The following B3GALT5 variants were observed in gnomAD, a reference collection of about 807,000 sequenced individuals.
B3GALT5 encodes beta-1,3-galactosyltransferase 5.
For missense variants in B3GALT5, 328 were observed against 396.6 expected (o/e 0.83, Z 1.47); for synonymous variants, 156 against 158.6 (o/e 0.98, Z 0.12).
chr21:39,639,404 C>CCTTCTT (rs2079266131), intron 1 of B3GALT5, among the ~76,000 whole-genome samples: 2 of 67,910 alleles, frequency 2.9e-5, no homozygotes, highest in Admixed American at 1.8e-4. Context: ...CTTTCTTTTT[C>CCTTCTT]TTTCTTTCTT....
intron 3 of B3GALT5, 30 bp downstream of exon 3, chr21:39,659,942 C>T (rs1371963656): frequency 3.1e-6 from 3 of 981,030 alleles, no homozygotes; most frequent in East Asian, 1.1e-4. Flanking sequence ...AATGTTATAA[C>T]GTTACCATGG....
chr21:39,640,855 T>G (rs1490802421), intron 1 of B3GALT5, among the ~76,000 whole-genome samples: 5 of 152,176 alleles, frequency 3.3e-5, no homozygotes, highest in Non-Finnish European at 7.4e-5. Context: ...TCCTCCTGCC[T>G]CAGCCCCCTG....
rs766324264 is a variant in B3GALT5, at chr21:39,671,185, C to G, written c.*9693C>G. The G allele has an allele frequency of 6.6e-6, 1 of 152,220 alleles. No homozygotes were observed. The highest frequency in any genetic ancestry group is 1.5e-5 in the Non-Finnish European group (1 of 68,042). 9.4% of individuals were successfully genotyped at this position (152,220 alleles called of 1,614,324 possible). On this transcript the variant is annotated 3_prime_UTR_variant, in exon 4 of 4. Transcript: ENST00000684187. ...CCCAGTCACCTCTTAAAAGGTCCCA[C>G]CTCTCAACGCTGTTGCACTGGGGAT...
chr21:39,638,841 C>T (rs753334162), intron 1 of B3GALT5, among the ~76,000 whole-genome samples: 1 of 152,148 alleles, frequency 6.6e-6, no homozygotes, highest in Non-Finnish European at 1.5e-5. Flanking sequence ...GAGTCACTCC[C>T]CCATCACACG....
At chr21:39,622,075 T>C (rs2079137001) in intron 1 of B3GALT5, among the ~76,000 whole-genome samples, 1 of 152,118 alleles carries the variant, frequency 6.6e-6, no homozygotes, top group Admixed American at 6.5e-5. Context: ...TTTTGATATG[T>C]TGGTCTTTCA....
chr21:39,657,944 A>G (rs1184187181), intron 2 of B3GALT5: 5 of 1,225,668 alleles, frequency 4.1e-6, no homozygotes, highest in East Asian at 6.3e-5. Context: ...TGTCCCAGGT[A>G]AGGCAGAGCT....
At chr21:39,623,862 G>GTATA (rs2079150357) in intron 1 of B3GALT5, among the ~76,000 whole-genome samples, 1 of 152,170 alleles carries the variant, frequency 6.6e-6, no homozygotes, top group African/African-American at 2.4e-5. Flanking sequence ...CAGCTGATAT[G>GTATA]TCTTCACATA....
chr21:39,638,382 G>A (rs992645381), intron 1 of B3GALT5, among the ~76,000 whole-genome samples: 6 of 152,180 alleles, frequency 3.9e-5, no homozygotes, highest in Non-Finnish European at 7.3e-5. Flanking sequence ...GACAGGCACT[G>A]ACAGGCACCA....
rs762994044 is a variant in B3GALT5, at chr21:39,639,347, T to TTTCTTTTTTTCCTTCCTTCCTTCCTTCC, written c.-391-7042_-391-7041insTTTTTTTCCTTCCTTCCTTCCTTCCTTC. ...CTTTCTTTCTTTCTTTCTTTCTTTCTTTCCTTCCTTCCTTCCTTCCTTCCT... is the reference window on the plus strand; with the variant it reads ...CTTTCTTTCTTTCTTTCTTTCTTTCTTTCTTTTTTTCCTTCCTTCCTTCCTTCCTTCCTTCCTTCCTTCCTTCCTTCCT... On this transcript the variant is annotated intron_variant, in intron 1 of 3. Transcript: ENST00000684187. Among the ~76,000 whole-genome samples, 15 of 66,782 alleles carry TTTCTTTTTTTCCTTCCTTCCTTCCTTCC rather than the reference T, an allele frequency of 2.2e-4. 1 individual carries two copies. Among genetic ancestry groups the TTTCTTTTTTTCCTTCCTTCCTTCCTTCC allele is most frequent in the South Asian group, 5.5e-4 (1 of 1,824 alleles). 43.8% of individuals were successfully genotyped at this position (66,782 alleles called of 152,430 possible).
intron 1 of B3GALT5, among the ~76,000 whole-genome samples, chr21:39,645,329 C>T (rs1048884459): frequency 2.0e-5 from 3 of 152,210 alleles, no homozygotes; most frequent in Non-Finnish European, 2.9e-5. Context: ...ATCTGACCCT[C>T]AGGTCTCGCC....
rs1257786444 is a variant in B3GALT5, at chr21:39,643,428, AAAAAAG to A, written c.-391-2953_-391-2948del. ...GCGAGACTCTAGCTCAAAAAAAAAA[AAAAAAG>A]AAAAAGAAAAGCAAAGCCTGTGTGA... On this transcript the variant is annotated intron_variant, in intron 1 of 3. Coordinates refer to ENST00000684187, the MANE Select transcript of B3GALT5 (RefSeq NM_001356336.2). Among the ~76,000 whole-genome samples the A allele has an allele frequency of 3.7e-3, 566 of 152,026 alleles. 3 individuals are homozygous for A. Among genetic ancestry groups the A allele is most frequent in the East Asian group, 0.023 (121 of 5,156 alleles).
intron 2 of B3GALT5, chr21:39,657,712 CCTAT>C (rs765159947): frequency 2.1e-5 from 10 of 478,490 alleles, no homozygotes; most frequent in East Asian, 1.1e-4. Context: ...TACCTACCTG[CCTAT>C]CTATCTTTTG....
In B3GALT5 at chr21:39,661,766, G is replaced by C. The variant is rs2079528338; in HGVS notation, c.*274G>C. Reference sequence around the variant, plus strand: ...GGGTCAGTATCCTATGACATGATGGGTGTTACCATCCTAATTTTACAGGCA... The same window carrying C: ...GGGTCAGTATCCTATGACATGATGGCTGTTACCATCCTAATTTTACAGGCA... On this transcript the variant is annotated 3_prime_UTR_variant, in exon 4 of 4. Transcript: ENST00000684187. The surrounding 1 kb of genome is among the most constrained non-coding windows in gnomAD (Gnocchi z 4.7). The C allele has an allele frequency of 3.1e-6, 1 of 317,950 alleles. No homozygotes were observed. The highest frequency in any genetic ancestry group is 4.6e-5 in the Admixed American group (1 of 21,864). The allele number at this position is 317,950 out of a possible 1,614,324, so 19.7% of individuals were successfully genotyped here.
intron 2 of B3GALT5, among the ~76,000 whole-genome samples, chr21:39,655,594 G>A (rs965748607): frequency 3.3e-5 from 5 of 152,166 alleles, no homozygotes; most frequent in African/African-American, 1.2e-4. Context: ...GGTAGGTCCA[G>A]GTCTGATGGG....
intron 1 of B3GALT5, among the ~76,000 whole-genome samples, chr21:39,624,377 G>C (rs2079153014): frequency 6.6e-6 from 1 of 152,042 alleles, no homozygotes; most frequent in African/African-American, 2.4e-5. Context: ...TTTCAGTGTG[G>C]GCAAAGTAGA....
intron 1 of B3GALT5, among the ~76,000 whole-genome samples, chr21:39,640,137 G>A (rs1386381105): frequency 6.6e-6 from 1 of 152,116 alleles, no homozygotes; most frequent in Non-Finnish European, 1.5e-5. Flanking sequence ...GGTCTGAGAA[G>A]GTAAATAACT....
chr21:39,650,677 G>A (rs2079386243), intron 2 of B3GALT5, among the ~76,000 whole-genome samples: 1 of 152,142 alleles, frequency 6.6e-6, no homozygotes, highest in South Asian at 2.1e-4. Flanking sequence ...AGCTGAGCCG[G>A]GGTGCTCTCC....
intron 1 of B3GALT5, among the ~76,000 whole-genome samples, chr21:39,615,120 C>T (rs1158841817): frequency 6.6e-6 from 1 of 152,202 alleles, no homozygotes; most frequent in Non-Finnish European, 1.5e-5. Flanking sequence ...TTACTTTCCT[C>T]TGCTGCCCCT....
In B3GALT5 at chr21:39,639,499, T is replaced by G. The variant is rs1205328; in HGVS notation, c.-391-6893T>G. On this transcript the variant is annotated intron_variant, in intron 1 of 3. Coordinates refer to ENST00000684187, the MANE Select transcript of B3GALT5 (RefSeq NM_001356336.2). The stretch of plus-strand genomic sequence containing the variant: ...CTCTCTTTCTTTCTTTCTTTTTTTT[T>G]GACAGAGACTCCCTCTGTCACCCAG... 6.0e-5 allele frequency among the ~76,000 whole-genome samples: 9 copies of G among 149,484 alleles called. 1 individual carries two copies. Among genetic ancestry groups the G allele is most frequent in the African/African-American group, 2.2e-4 (9 of 40,366 alleles).
Sources: gnomAD v4.1 joint callset for allele counts (sites outside exome capture counted in the v4.1 genomes callset) on GRCh38, gnomAD v4.1.1 for gene constraint, Gnocchi (gnomAD v3.1) non-coding constraint, MANE v1.5 for transcripts, NCBI Gene and HGNC (gene_info 2026-07-23, HGNC 2026-07-21) for gene names.